RAB27A: variants seen among roughly 807,000 people sequenced by gnomAD.
The protein encoded by RAB27A is ras-related protein Rab-27A.
A neutral mutation model predicts 20.8 loss-of-function variants in RAB27A; 17 were observed. The ratio of observed to expected loss-of-function variants is 0.82; its 90% CI spans 0.56 to 1.23. The LOEUF is 1.23. Among genes scored for constraint, RAB27A ranks in the 50% most tolerant of loss-of-function variants. The probability of loss-of-function intolerance (pLI) is 0.00; values close to 1 mark genes in which losing one functional copy is unlikely to be tolerated. For synonymous variants in RAB27A, 85 were observed against 92.8 expected, an observed-to-expected ratio of 0.92 and a Z score of 0.48; for missense variants, 277 against 266.7, an observed-to-expected ratio of 1.04 and a Z score of -0.27.
intron 2 of RAB27A, among the ~76,000 whole-genome samples, chr15:55,267,387 C>A (rs1012785553): frequency 2.6e-5 from 4 of 152,110 alleles, no homozygotes; most frequent in African/African-American, 9.7e-5. Flanking sequence ...TTCAGAGAAG[C>A]AGCAGCAAAG....
chr15:55,236,570 A>C (rs1416948429), intron 2 of RAB27A, among the ~76,000 whole-genome samples: 2 of 152,168 alleles, frequency 1.3e-5, no homozygotes, highest in East Asian at 3.9e-4. Flanking sequence ...TTATATCAGC[A>C]ATACCTAACC....
At chr15:55,252,380 G>A (rs1306641255) in intron 2 of RAB27A, among the ~76,000 whole-genome samples, 2 of 152,152 alleles carry the variant, frequency 1.3e-5, no homozygotes, top group Non-Finnish European at 2.9e-5. Flanking sequence ...AAGGCAGGTG[G>A]ATCACTTGAG....
At chr15:55,317,661 C>A (rs2055060460) in intron 1 of RAB27A, 2 of 398,602 alleles carry the variant, frequency 5.0e-6, no homozygotes, top group Non-Finnish European at 8.8e-6. Context: ...CTTGTACCAA[C>A]TGCATCTTTT....
At chr15:55,318,942 C>G (rs1184651723) in exon 1 of RAB27A, 4 of 328,692 alleles carry the variant, frequency 1.2e-5, no homozygotes, top group African/African-American at 8.5e-5. Flanking sequence ...TCCGACTGTT[C>G]TGCGCCTGCT....
At chr15:55,236,746 A>G (rs1400702437) in intron 2 of RAB27A, among the ~76,000 whole-genome samples, 1 of 152,134 alleles carries the variant, frequency 6.6e-6, no homozygotes, top group Non-Finnish European at 1.5e-5. Context: ...GTATATTTTT[A>G]TGGGGTACAT....
At chr15:55,240,013 G>A (rs2444039) in intron 2 of RAB27A, among the ~76,000 whole-genome samples, 1 of 151,784 alleles carries the variant, frequency 6.6e-6, no homozygotes, top group East Asian at 1.9e-4. Flanking sequence ...AAGTCCATAC[G>A]TGGCTTTCTC....
At chr15:55,278,168 T>C (rs1938033401) in intron 1 of RAB27A, among the ~76,000 whole-genome samples, 1 of 152,200 alleles carries the variant, frequency 6.6e-6, no homozygotes, top group Non-Finnish European at 1.5e-5. Context: ...CTTTTGTGAA[T>C]TTCCTTCCCA....
At chr15:55,311,223 C>G (rs903942572) in intron 2 of RAB27A, among the ~76,000 whole-genome samples, 26 of 152,348 alleles carry the variant, frequency 1.7e-4, no homozygotes, top group African/African-American at 6.3e-4. Context: ...AACATTGTAT[C>G]TCTCCATGTC....
At chr15:55,230,508 G>A (rs768053686) in intron 3 of RAB27A, 22 bp from the exon 4 acceptor site, 3 of 1,586,328 alleles carry the variant, frequency 1.9e-6, no homozygotes, top group Admixed American at 1.7e-5. Flanking sequence ...AAGTGAAAGA[G>A]AAAACAAAAG....
chr15:55,218,993 C>T (rs1034037626), intron 6 of RAB27A, among the ~76,000 whole-genome samples: 1 of 152,006 alleles, frequency 6.6e-6, no homozygotes, highest in Non-Finnish European at 1.5e-5. Context: ...CCACCCACCT[C>T]AACCTCCCAA....
chr15:55,309,011 A>T (rs1186628043), intron 2 of RAB27A, among the ~76,000 whole-genome samples: 1 of 152,108 alleles, frequency 6.6e-6, no homozygotes, highest in Admixed American at 6.5e-5. Flanking sequence ...TTTTTTTATG[A>T]CATATAAAGA....
At chr15:55,309,746 T>C (rs989804186) in intron 2 of RAB27A, among the ~76,000 whole-genome samples, 4 of 152,138 alleles carry the variant, frequency 2.6e-5, no homozygotes, top group African/African-American at 9.7e-5. Flanking sequence ...TGGGTGTAGA[T>C]GGACAATGGC....
At chr15:55,285,239 G>C (rs1566936193) in intron 1 of RAB27A, among the ~76,000 whole-genome samples, 1 of 151,204 alleles carries the variant, frequency 6.6e-6, no homozygotes, top group Non-Finnish European at 1.5e-5. Context: ...ACACACGGGA[G>C]GTTGGCTGAC....
rs1217970189 is a variant in RAB27A, at chr15:55,273,966, G to T, written c.-142-3682C>A. ...TATACATTCTTCTCAAGCGCACGTG[G>T]AATATTCTTCCGGATAGAACATACA... On this transcript the variant is annotated intron_variant, in intron 1 of 6. Coordinates refer to ENST00000336787, the MANE Select transcript of RAB27A (RefSeq NM_183235.3). 2.0e-5 allele frequency among the ~76,000 whole-genome samples: 3 copies of T among 152,126 alleles called. No individual in the cohort carries two copies. In the East Asian group the frequency reaches 5.8e-4, roughly 29 times the overall value.
In RAB27A at chr15:55,244,463, C is replaced by T. The variant is rs145700058; in HGVS notation, c.-22-9507G>A. 1.3e-3 allele frequency among the ~76,000 whole-genome samples: 198 copies of T among 152,290 alleles called. 2 individuals are homozygous for T. Among genetic ancestry groups the T allele is most frequent in the Middle Eastern group, 6.8e-3 (2 of 294 alleles). Reference sequence around the variant, plus strand: ...GATCACAGCAGTGCACAACACCATACACCATGCCCAGCTTTTTGTTGTTGT... The same window carrying T: ...GATCACAGCAGTGCACAACACCATATACCATGCCCAGCTTTTTGTTGTTGT... On this transcript the variant is annotated intron_variant, in intron 2 of 6. Transcript: ENST00000336787.
chr15:55,285,448 G>C (rs932065396), intron 1 of RAB27A, among the ~76,000 whole-genome samples: 1 of 152,056 alleles, frequency 6.6e-6, no homozygotes, highest in African/African-American at 2.4e-5. Context: ...CAAAACCAGA[G>C]AGTCCAAACA....
chr15:55,217,573 G>A (rs185841364), intron 6 of RAB27A, among the ~76,000 whole-genome samples: 2 of 144,954 alleles, frequency 1.4e-5, no homozygotes, highest in East Asian at 4.1e-4. Flanking sequence ...GGTGAGGCAG[G>A]AGAATCGCTT....
chr15:55,266,146 G>C (rs754093950), intron 2 of RAB27A, among the ~76,000 whole-genome samples: 24 of 152,236 alleles, frequency 1.6e-4, no homozygotes, highest in Non-Finnish European at 2.2e-4. Flanking sequence ...ATTAGGTTTT[G>C]AGGATAGATC....
intron 2 of RAB27A, among the ~76,000 whole-genome samples, chr15:55,258,066 CAAAAAAAA>C (rs553999609): frequency 3.2e-5 from 2 of 61,980 alleles, no homozygotes; most frequent in Admixed American, 3.2e-4. Context: ...GACTCAGTCT[CAAAAAAAA>C]AAAAAAAAAA....
Sources: allele counts gnomAD v4.1 joint callset (sites outside exome capture counted in the v4.1 genomes callset), GRCh38; gene constraint gnomAD v4.1.1; transcripts MANE v1.5; gene names NCBI Gene and HGNC (gene_info 2026-07-23, HGNC 2026-07-21).